The following TBC1D21 variants were observed in gnomAD, a reference collection of about 807,000 sequenced individuals.
TBC1D21 encodes the protein TBC1 domain family member 21.
TBC1D21 carries 38 observed loss-of-function variants against 46.0 expected under a neutral mutation model. That is an observed-to-expected ratio of 0.83 (90% CI 0.64 to 1.08). The LOEUF (loss-of-function observed/expected upper bound fraction) is 1.08. Among genes scored for constraint, TBC1D21 ranks in the 50% least tolerant of loss-of-function variants. The pLI, the probability that TBC1D21 is intolerant of heterozygous loss-of-function variation, is 0.00. For synonymous variants in TBC1D21, 151 were observed against 157.2 expected (o/e 0.96, Z 0.29); for missense variants, 415 against 417.9 (o/e 0.99, Z 0.06).
At chr15:73,898,880 A>AAAAAAAAAAAAAAATATATATATATAT in the TBC1D21 span, among the ~76,000 whole-genome samples, 1 of 56,804 alleles carries the variant, frequency 1.8e-5, no homozygotes, top group African/African-American at 5.3e-5. Context: ...AAAAAAAAAA[A>AAAAAAAAAAAAAAATATATATATATAT]ATATATATAT....
At chr15:73,876,395 TTTTTG>T (rs1219489899) in intron 1 of TBC1D21, among the ~76,000 whole-genome samples, 3 of 65,656 alleles carry the variant, frequency 4.6e-5, no homozygotes, top group African/African-American at 1.1e-4. Context: ...ACCCGGGTAA[TTTTTG>T]TTTTTTTTTT....
At chr15:73,903,611 G>C in the TBC1D21 span, among the ~76,000 whole-genome samples, 1 of 152,180 alleles carries the variant, frequency 6.6e-6, no homozygotes, top group African/African-American at 2.4e-5. Flanking sequence ...AGTGGGGGCA[G>C]GGAACCAACC....
Position 73,884,166 on chromosome 15 carries a change from C to G in TBC1D21, c.288C>G (p.Ala96=), listed in dbSNP as rs756628943. ...VDSMRRKNYK[A]LCQMYEKIQP... ...GTTCTCACAGGAAGAACTACAAGGC[C>G]TTATGCCAAATGTATGAGAAGATTC... Residue 96 remains alanine (A), a synonymous_variant, in exon 4 of 11, where the codon GCC becomes GCG. Transcript: ENST00000300504. 3 of 1,614,078 alleles carry G rather than the reference C, an allele frequency of 1.9e-6. No individual in the cohort carries two copies. The African/African-American group carries it at 4.0e-5, about 22-fold the overall frequency.
chr15:73,904,481 T>G, the TBC1D21 span, among the ~76,000 whole-genome samples: 5 of 152,294 alleles, frequency 3.3e-5, no homozygotes, highest in South Asian at 2.1e-4. Flanking sequence ...CCACAGAAAT[T>G]GGCAATTGCT....
intron 6 of TBC1D21, among the ~76,000 whole-genome samples, chr15:73,885,480 C>A (rs2068227989): frequency 2.0e-5 from 3 of 152,162 alleles, no homozygotes; most frequent in Non-Finnish European, 4.4e-5. Context: ...ATAACCTTAG[C>A]CAGTCATTCA....
chr15:73,897,224 C>T, the TBC1D21 span, among the ~76,000 whole-genome samples: 13 of 152,302 alleles, frequency 8.5e-5, no homozygotes, highest in East Asian at 2.1e-3. Flanking sequence ...ACTCTGGAAT[C>T]GGGCCCCAGG....
rs779542703 is a variant in TBC1D21, at chr15:73,887,718, CGG to C, written c.879_880del (p.Asp294Ter). 5 of 1,613,588 alleles carry C rather than the reference CGG, an allele frequency of 3.1e-6. No homozygotes were observed. Among genetic ancestry groups the C allele is most frequent in the Non-Finnish European group, 4.2e-6 (5 of 1,179,764 alleles). ...AGCAGGTGCTGCAGGAAAGCATGGG[CGG>C]GGATGACATCCTCCTGGTGAGAGCA... Reference protein sequence around the residue: ...REQVLQESMGGDDILLACNNL... With the variant: ...REQVLQESMGXDDILLACNNL... On this transcript the variant is annotated frameshift_variant, in exon 9 of 11. Coordinates refer to ENST00000300504, the MANE Select transcript of TBC1D21 (RefSeq NM_153356.3). LOFTEE classifies it high-confidence loss of function.
At position 73,886,562 on chromosome 15, in the gene TBC1D21, T is replaced by A; in HGVS notation, c.727T>A (p.Cys243Ser). Reference protein sequence around the residue: ...VQSLFPWFCFCFQRAFKSFDD... With the variant: ...VQSLFPWFCFSFQRAFKSFDD... Reference sequence around the variant, plus strand: ...GTCCCTCTTCCCCTGGTTCTGCTTCTGCTTCCAGCGTGCCTTCAAGTCCTT... The same window carrying A: ...GTCCCTCTTCCCCTGGTTCTGCTTCAGCTTCCAGCGTGCCTTCAAGTCCTT... The change falls in exon 8 of 11, where the codon TGC (cysteine) becomes AGC (serine). Residue 243 changes from cysteine (C) to serine (S), a missense_variant. Transcript: ENST00000300504. 5 of 1,613,770 alleles carry A rather than the reference T, an allele frequency of 3.1e-6. No individual in the cohort carries two copies. Among genetic ancestry groups the A allele is most frequent in the Non-Finnish European group, 4.2e-6 (5 of 1,180,034 alleles).
In TBC1D21 at chr15:73,884,837, A is replaced by C. The variant is rs1157921553; in HGVS notation, c.424A>C (p.Lys142Gln). 6.2e-7 allele frequency: 1 copy of C among 1,614,048 alleles called. No homozygotes were observed. Among genetic ancestry groups the C allele is most frequent in the Non-Finnish European group, 8.5e-7 (1 of 1,180,030 alleles). ...KDPLGNVLIDKKRLEKILLLS... is the reference protein window; with the variant it reads ...KDPLGNVLIDQKRLEKILLLS... ...TCCCCTGGGCAACGTCCTCATCGACAAGAAGAGGCTAGAGAAGATCCTGCT... is the reference window on the plus strand; with the variant it reads ...TCCCCTGGGCAACGTCCTCATCGACCAGAAGAGGCTAGAGAAGATCCTGCT... The change falls in exon 5 of 11, where the codon AAG becomes CAG. Residue 142 changes from lysine to glutamine, a missense_variant. By Grantham distance (53) the Lys-to-Gln change is moderately conservative (BLOSUM62 1). Transcript: ENST00000300504.
chr15:73,892,995 A>G (rs1053683050), downstream of TBC1D21, among the ~76,000 whole-genome samples: 7 of 152,044 alleles, frequency 4.6e-5, no homozygotes, highest in African/African-American at 1.7e-4. Flanking sequence ...GTCATTTATG[A>G]TGGTGGAGGT....
chr15:73,903,834 G>A, the TBC1D21 span, among the ~76,000 whole-genome samples: 1 of 152,144 alleles, frequency 6.6e-6, no homozygotes, highest in Non-Finnish European at 1.5e-5. Context: ...GGGGCTTGAG[G>A]TGAGGAGTTC....
At chr15:73,883,718 C>T (rs1416188631) in intron 3 of TBC1D21, among the ~76,000 whole-genome samples, 1 of 152,192 alleles carries the variant, frequency 6.6e-6, no homozygotes, top group African/African-American at 2.4e-5. Flanking sequence ...CCAGCAATAC[C>T]AACTAATCAT....
At chr15:73,890,880 C>A (rs1340669857), downstream of TBC1D21, among the ~76,000 whole-genome samples, 1 of 152,108 alleles carries the variant, frequency 6.6e-6, no homozygotes, top group African/African-American at 2.4e-5. Context: ...CCCTCTCAAG[C>A]CCCCCTCCTT....
At chr15:73,885,815 T>TACACACACAC (rs3057447) in intron 6 of TBC1D21, among the ~76,000 whole-genome samples, 5 of 148,048 alleles carry the variant, frequency 3.4e-5, no homozygotes, top group Admixed American at 6.7e-5. Flanking sequence ...TACACACACA[T>TACACACACAC]ACACACACAC....
At chr15:73,900,556 G>A in the TBC1D21 span, among the ~76,000 whole-genome samples, 1 of 152,172 alleles carries the variant, frequency 6.6e-6, no homozygotes, top group Non-Finnish European at 1.5e-5. Flanking sequence ...GCAAAGGGAG[G>A]TACAGCAAGA....
the TBC1D21 span, among the ~76,000 whole-genome samples, chr15:73,903,732 G>C: frequency 4.6e-5 from 7 of 152,244 alleles, no homozygotes; most frequent in Non-Finnish European, 7.4e-5. Flanking sequence ...CTGCCTCTTT[G>C]ACACCAACTC....
chr15:73,901,665 T>G, the TBC1D21 span, among the ~76,000 whole-genome samples: 1 of 152,194 alleles, frequency 6.6e-6, no homozygotes, highest in African/African-American at 2.4e-5. Context: ...CCTCACCTTT[T>G]CTAGCCTCTG....
Position 73,884,148 on chromosome 15 carries a change from C to A in TBC1D21, c.273-3C>A, listed in dbSNP as rs983872576. On this transcript the variant is annotated splice_region_variant and splice_polypyrimidine_tract_variant and intron_variant, in intron 3 of 10. Coordinates refer to ENST00000300504, the MANE Select transcript of TBC1D21 (RefSeq NM_153356.3). ...TTGTTCAGCCTCAGTTCTGTTCTCA[C>A]AGGAAGAACTACAAGGCCTTATGCC... 6.2e-7 allele frequency: 1 copy of A among 1,613,546 alleles called. No individual in the cohort carries two copies. The highest frequency in any genetic ancestry group is 8.5e-7 in the Non-Finnish European group (1 of 1,179,578).
the TBC1D21 span, among the ~76,000 whole-genome samples, chr15:73,896,455 T>A: frequency 9.2e-5 from 14 of 151,494 alleles, no homozygotes; most frequent in South Asian, 2.7e-3. Flanking sequence ...GCAATGAAGG[T>A]CATTGTAGTG....
Sources: gnomAD v4.1 joint callset for allele counts (sites outside exome capture counted in the v4.1 genomes callset) on GRCh38, gnomAD v4.1.1 for gene constraint, MANE v1.5 for transcripts, NCBI Gene and HGNC (gene_info 2026-07-23, HGNC 2026-07-21) for gene names.